The following RANGAP1 variants were observed in gnomAD, a reference collection of about 807,000 sequenced individuals.
The protein encoded by RANGAP1 is Ran GTPase activating protein 1.
Under a neutral mutation model 63.5 loss-of-function variants are expected in RANGAP1, and 38 were observed. That is an observed-to-expected ratio of 0.60 (90% CI 0.46 to 0.78). The LOEUF (loss-of-function observed/expected upper bound fraction) is 0.78. Among genes scored for constraint, RANGAP1 ranks in the 30% least tolerant of loss-of-function variants. The pLI is 0.00. For missense variants in RANGAP1, 630 were observed against 740.3 expected (o/e 0.85, Z 1.73); for synonymous variants, 329 against 310.5 (o/e 1.06, Z -0.63).
chr22:41,288,018 C>T (rs2413641), upstream of RANGAP1, among the ~76,000 whole-genome samples: 3,400 of 152,186 alleles, frequency 0.022, 56 homozygotes, highest in Admixed American at 0.039. Flanking sequence ...AATTAATTAA[C>T]AGATCATGCC....
At chr22:41,300,077 T>A in the RANGAP1 span, among the ~76,000 whole-genome samples, 1 of 152,012 alleles carries the variant, frequency 6.6e-6, no homozygotes, top group Non-Finnish European at 1.5e-5. Context: ...CTCCAAAGCA[T>A]CCTCACCTCT....
At position 41,254,495 on chromosome 22, in the gene RANGAP1, C is replaced by T; in HGVS notation, c.1074-1G>A. 1 of 1,584,392 alleles carries T rather than the reference C, an allele frequency of 6.3e-7. No individual in the cohort carries two copies. Among genetic ancestry groups the T allele is most frequent in the African/African-American group, 1.3e-5 (1 of 74,706 alleles). ...CTCCTCCTCCTCGTCCTCGTCATCA[C>T]TGCAGAAAGAGCTGGCTGAAGCAGA... On this transcript the variant is annotated splice_acceptor_variant, in intron 10 of 15. Transcript: ENST00000356244. LOFTEE classifies it high-confidence loss of function.
intron 1 of RANGAP1, chr22:41,281,587 G>C: frequency 3.0e-6 from 3 of 987,824 alleles, no homozygotes; most frequent in Non-Finnish European, 3.6e-6. Context: ...TCTGGGGTGG[G>C]GCACAGGGGT....
rs1049586509 is a variant in RANGAP1, at chr22:41,280,827, C to A, written c.112+106G>T. The A allele has an allele frequency of 5.1e-5, 80 of 1,556,586 alleles. No individual in the cohort carries two copies. In the Middle Eastern group the frequency reaches 8.3e-4, roughly 16 times the overall value. On this transcript the variant is annotated intron_variant, in intron 2 of 15. Transcript: ENST00000356244. ...ATGATACCTCACAGAGCTGCTGGGA[C>A]AAATAATGGAGACAATGTAGCAGAA...
At chr22:41,252,782 C>T in intron 12 of RANGAP1, 90 bp downstream of exon 12, 4 of 1,371,754 alleles carry the variant, frequency 2.9e-6, no homozygotes, top group South Asian at 1.7e-5. Flanking sequence ...CAGCGTCGCA[C>T]CCCCAGGTCT....
Position 41,256,216 on chromosome 22 carries a change from A to G in RANGAP1, c.963T>C (p.Ala321=). 6.2e-7 allele frequency: 1 copy of G among 1,614,142 alleles called. No homozygotes were observed. The highest frequency in any genetic ancestry group is 1.1e-5 in the South Asian group (1 of 91,090). ...LAVAEAMADK[A]ELEKLDLNGN... is the part of the protein sequence containing the mutation. ...CATTCAGGTCCAGCTTCTCCAGCTC[A>G]GCTTTGTCTGCCATGGCCTCAGCAA... The change falls in exon 9 of 16, where the codon GCT becomes GCC. Residue 321 remains alanine (A), a synonymous_variant. Transcript: ENST00000356244.
intron 4 of RANGAP1, among the ~76,000 whole-genome samples, chr22:41,266,981 C>T (rs1268502785): frequency 6.7e-6 from 1 of 149,784 alleles, no homozygotes; most frequent in African/African-American, 2.5e-5. Flanking sequence ...CCTGGGTTCA[C>T]GCAATTCTCC....
At chr22:41,276,706 G>A (rs1256558545) in intron 2 of RANGAP1, among the ~76,000 whole-genome samples, 1 of 148,780 alleles carries the variant, frequency 6.7e-6, no homozygotes, top group Non-Finnish European at 1.5e-5. Flanking sequence ...GGCTGGGCGC[G>A]GTGGCTCACG....
At chr22:41,261,385 C>T (rs1165792738) in intron 6 of RANGAP1, 61 bp downstream of exon 6, 1 of 1,604,180 alleles carries the variant, frequency 6.2e-7, no homozygotes, top group Non-Finnish European at 8.5e-7. Flanking sequence ...CCAGAACTGT[C>T]AGCCTACTAT....
intron 10 of RANGAP1, 64 bp from the exon 11 acceptor site, chr22:41,254,558 T>A: frequency 6.6e-7 from 1 of 1,512,794 alleles, no homozygotes; most frequent in Non-Finnish European, 8.8e-7. Flanking sequence ...CTCTAAGGCC[T>A]GGCTCCATGA....
At chr22:41,250,326 T>A (rs2033355065) in intron 13 of RANGAP1, among the ~76,000 whole-genome samples, 1 of 152,222 alleles carries the variant, frequency 6.6e-6, no homozygotes, top group Non-Finnish European at 1.5e-5. Context: ...CCCTCCCCGC[T>A]TCGACGCCAC....
rs532956187 is a variant in RANGAP1 at position 41,254,440 on chromosome 22, T to G, written c.1128A>C (p.Ala376=). ...CCTCATCTTCCTCCTCCTCTTCTTC[T>G]GCTTCCTCTTCTTCCTCTTCTCCTT... ...EEEGEEEEEE[A]EEEEEEDEEE... Residue 376 remains alanine, a synonymous_variant, in exon 11 of 16, where the codon GCA becomes GCC. Transcript: ENST00000356244. The G allele has an allele frequency of 6.2e-7, 1 of 1,611,646 alleles. No individual in the cohort carries two copies. Among genetic ancestry groups the G allele is most frequent in the Non-Finnish European group, 8.5e-7 (1 of 1,179,092 alleles).
intron 6 of RANGAP1, among the ~76,000 whole-genome samples, chr22:41,259,495 C>T (rs1331426415): frequency 2.6e-5 from 4 of 152,132 alleles, no homozygotes. Flanking sequence ...GAACAGTTAT[C>T]AAAACATTTA....
At chr22:41,291,156 A>T (rs549502925), upstream of RANGAP1, among the ~76,000 whole-genome samples, 40 of 152,384 alleles carry the variant, frequency 2.6e-4, 1 homozygote, top group South Asian at 4.1e-3. Context: ...CTATGTTCCA[A>T]TAGGCACTGT....
Position 41,257,199 on chromosome 22 carries a change from G to A in RANGAP1, c.775-375C>T, listed in dbSNP as rs184816713. Among the ~76,000 whole-genome samples the A allele has an allele frequency of 6.6e-6, 1 of 152,110 alleles. No homozygotes were observed. The highest frequency in any genetic ancestry group is 2.4e-5 in the African/African-American group (1 of 41,412). Reference sequence around the variant, plus strand: ...ATCTCTTCCAGGAAGCCTGCCCTAAGTCTGATTTGAACTTCCTTCTGGCGT... The same window carrying A: ...ATCTCTTCCAGGAAGCCTGCCCTAAATCTGATTTGAACTTCCTTCTGGCGT... On this transcript the variant is annotated intron_variant, in intron 7 of 15. Transcript: ENST00000356244. This position sits in a 1 kb window ranked among gnomAD's most constrained non-coding sequence, Gnocchi z 4.0.
rs1285649619 is a variant in RANGAP1 at position 41,274,654 on chromosome 22, G to A, written c.186C>T (p.Gly62=). 46 of 1,614,022 alleles carry A rather than the reference G, an allele frequency of 2.9e-5. 1 individual carries two copies. The highest frequency in any genetic ancestry group is 3.3e-4 in the Middle Eastern group (2 of 6,082). Residue 62 remains glycine, a synonymous_variant, in exon 3 of 16, where the codon GGC becomes GGT. Transcript: ENST00000356244. Reference sequence around the variant, plus strand: ...TGGCGATGACCCTGGCTGCTTCCACGCCCACTGTGTTGCCTTCCAGACGCA... The same window carrying A: ...TGGCGATGACCCTGGCTGCTTCCACACCCACTGTGTTGCCTTCCAGACGCA... The part of the protein sequence containing the change: ...EALRLEGNTV[G]VEAARVIAKA...
intron 1 of RANGAP1, among the ~76,000 whole-genome samples, chr22:41,284,248 AAAAATAAAAT>A (rs1053843389): frequency 6.6e-6 from 1 of 152,044 alleles, no homozygotes. Context: ...CTCACCTCAA[AAAAATAAAAT>A]AAAATAAAAT....
Position 41,252,886 on chromosome 22 carries a change from G to A in RANGAP1, c.1366C>T (p.Leu456=), listed in dbSNP as rs147566475. ...LLRLGPKSSV[L]IAQQTDTSDP... ...GTGGTTATTACCTGCTGGGCTATCA[G>A]CACGGAGCTCTTGGGCCCTAGGCGC... The change falls in exon 12 of 16, where the codon CTG becomes TTG. Residue 456 remains leucine, a synonymous_variant. Transcript: ENST00000356244. The A allele has an allele frequency of 1.0e-5, 16 of 1,574,450 alleles. No individual in the cohort carries two copies. Among genetic ancestry groups the A allele is most frequent in the Non-Finnish European group, 1.2e-5 (14 of 1,162,146 alleles).
chr22:41,298,651 C>T, the RANGAP1 span, among the ~76,000 whole-genome samples: 1 of 152,062 alleles, frequency 6.6e-6, no homozygotes, highest in Non-Finnish European at 1.5e-5. Flanking sequence ...GGGCATTAGC[C>T]ACCACGCCCG....
Sources: allele counts gnomAD v4.1 joint callset (sites outside exome capture counted in the v4.1 genomes callset), GRCh38; gene constraint gnomAD v4.1.1; non-coding constraint Gnocchi (gnomAD v3.1); transcripts MANE v1.5; gene names NCBI Gene and HGNC (gene_info 2026-07-23, HGNC 2026-07-21).